The following CNTN5 variants were observed in gnomAD, a reference collection of about 807,000 sequenced individuals.
The protein encoded by CNTN5 is contactin-5.
CNTN5 carries 77 observed loss-of-function variants against 129.1 expected under a neutral mutation model. The observed-to-expected ratio is 0.60, with a 90% confidence interval of 0.50 to 0.72. The LOEUF (loss-of-function observed/expected upper bound fraction) is 0.72, where lower values mean the gene tolerates loss of function less well. Ranked by LOEUF, CNTN5 falls within the 30% of genes least tolerant of loss-of-function variation. The pLI is 0.00. For synonymous variants in CNTN5, 509 were observed against 465.6 expected, an observed-to-expected ratio of 1.09 and a Z score of -1.20; for missense variants, 1,478 against 1,328.8, an observed-to-expected ratio of 1.11 and a Z score of -1.75.
At chr11:99,486,992 T>C (rs1375125255) in intron 2 of CNTN5, among the ~76,000 whole-genome samples, 1 of 152,196 alleles carries the variant, frequency 6.6e-6, no homozygotes, top group African/African-American at 2.4e-5. Flanking sequence ...TTTCCTCTGG[T>C]ATTTTTGGAA....
In CNTN5 at chr11:99,712,858, A is replaced by G. The variant is rs552536032; in HGVS notation, c.56-106686A>G. ...TCTATATATCTGTTGTGGTACTAGT[A>G]CCGTGCTGTTTTGGTTACTGTAGCC... On this transcript the variant is annotated intron_variant, in intron 3 of 24. Transcript: ENST00000524871. Among the ~76,000 whole-genome samples, 6 of 152,176 alleles carry G rather than the reference A, an allele frequency of 3.9e-5. No individual in the cohort carries two copies. In the East Asian group the frequency reaches 1.2e-3, roughly 29 times the overall value.
intron 9 of CNTN5, among the ~76,000 whole-genome samples, chr11:100,042,181 A>G (rs12799725): frequency 6.6e-6 from 1 of 151,968 alleles, no homozygotes; most frequent in Non-Finnish European, 1.5e-5. Context: ...TGTATTATGT[A>G]GATAGTAGCA....
At chr11:99,608,676 C>T (rs149929330) in intron 3 of CNTN5, among the ~76,000 whole-genome samples, 8 of 152,194 alleles carry the variant, frequency 5.3e-5, no homozygotes, top group African/African-American at 1.9e-4. Context: ...GCCTCCAGAA[C>T]TGTGAGATGC....
chr11:99,461,906 T>C (rs1944714476), intron 2 of CNTN5, among the ~76,000 whole-genome samples: 1 of 152,222 alleles, frequency 6.6e-6, no homozygotes, highest in African/African-American at 2.4e-5. Flanking sequence ...ATGTGTTTTC[T>C]TCAAAATTAT....
At chr11:99,390,280 G>C (rs1339506094) in intron 2 of CNTN5, among the ~76,000 whole-genome samples, 2 of 152,016 alleles carry the variant, frequency 1.3e-5, no homozygotes, top group Non-Finnish European at 2.9e-5. Flanking sequence ...ACTAAGCCCA[G>C]CTCATCTGTT....
intron 6 of CNTN5, among the ~76,000 whole-genome samples, chr11:99,879,509 G>T (rs563919822): frequency 1.6e-4 from 25 of 152,168 alleles, no homozygotes; most frequent in Non-Finnish European, 2.9e-4. Flanking sequence ...ACTATGCAGA[G>T]AATGAAATGC....
chr11:99,503,234 T>A (rs1946491662), intron 2 of CNTN5, among the ~76,000 whole-genome samples: 1 of 152,172 alleles, frequency 6.6e-6, no homozygotes, highest in Non-Finnish European at 1.5e-5. Flanking sequence ...GCCCACCATG[T>A]TCGCATACAC....
At chr11:99,989,820 C>T (rs1270906950) in intron 8 of CNTN5, among the ~76,000 whole-genome samples, 1 of 152,152 alleles carries the variant, frequency 6.6e-6, no homozygotes, top group Non-Finnish European at 1.5e-5. Flanking sequence ...GGCTGGAGTA[C>T]AGTGGCACGA....
At chr11:99,981,338 C>T (rs544414661) in intron 8 of CNTN5, among the ~76,000 whole-genome samples, 9 of 151,966 alleles carry the variant, frequency 5.9e-5, no homozygotes, top group East Asian at 2.0e-4. Context: ...CCATGGAGTC[C>T]GAAGGCCAGG....
At chr11:100,334,833 T>G (rs1015190878) in intron 21 of CNTN5, among the ~76,000 whole-genome samples, 1 of 152,230 alleles carries the variant, frequency 6.6e-6, no homozygotes, top group African/African-American at 2.4e-5. Context: ...CAGTATACAC[T>G]GCTTGGGTGA....
intron 9 of CNTN5, among the ~76,000 whole-genome samples, chr11:100,026,694 C>T (rs539123722): frequency 1.3e-5 from 2 of 152,160 alleles, no homozygotes; most frequent in Admixed American, 1.3e-4. Context: ...ACTGAGGTCT[C>T]TTTAAGGTTT....
At chr11:99,913,816 T>C (rs997846933) in intron 6 of CNTN5, among the ~76,000 whole-genome samples, 1 of 152,132 alleles carries the variant, frequency 6.6e-6, no homozygotes, top group African/African-American at 2.4e-5. Context: ...TATAAACTTG[T>C]AGTAAATGGA....
intron 18 of CNTN5, among the ~76,000 whole-genome samples, chr11:100,286,022 C>A (rs2070121227): frequency 6.6e-6 from 1 of 152,208 alleles, no homozygotes; most frequent in African/African-American, 2.4e-5. Flanking sequence ...CGGGTCACTC[C>A]CACCCTAATA....
intron 8 of CNTN5, among the ~76,000 whole-genome samples, chr11:99,977,615 G>A (rs1460001913): frequency 6.6e-6 from 1 of 152,182 alleles, no homozygotes; most frequent in Admixed American, 6.5e-5. Flanking sequence ...GAGAGTGAAG[G>A]TGGAAATGCC....
intron 3 of CNTN5, among the ~76,000 whole-genome samples, chr11:99,769,824 A>AAAAAAAC (rs956553107): frequency 6.6e-6 from 1 of 151,924 alleles, no homozygotes; most frequent in Non-Finnish European, 1.5e-5. Context: ...TCAAAAAAAA[A>AAAAAAAC]AAAAACAATC....
chr11:100,250,550 T>G (rs1413823355), intron 16 of CNTN5, among the ~76,000 whole-genome samples: 1 of 152,060 alleles, frequency 6.6e-6, no homozygotes, highest in Non-Finnish European at 1.5e-5. Flanking sequence ...ATTTAAACAT[T>G]ACGTGATTAT....
At chr11:99,270,298 T>C (rs1400169286) in intron 1 of CNTN5, among the ~76,000 whole-genome samples, 1 of 151,290 alleles carries the variant, frequency 6.6e-6, no homozygotes, top group East Asian at 2.0e-4. Flanking sequence ...AGGGTATGCA[T>C]TTTTTATTTT....
At position 100,078,293 on chromosome 11, in the gene CNTN5, T is replaced by A. The variant is rs374980553; in HGVS notation, c.1580+3999T>A. On this transcript the variant is annotated intron_variant, in intron 13 of 24. Transcript: ENST00000524871. ...AGTTGAAAATTTGATAACTAGAAAA[T>A]AATATGACTTTTAGAAAAAAATATG... Among the ~76,000 whole-genome samples the A allele has an allele frequency of 1.5e-4, 23 of 152,226 alleles. No homozygotes were observed. In the East Asian group the frequency reaches 4.0e-3, roughly 27 times the overall value.
chr11:99,341,904 A>C (rs775112023), intron 2 of CNTN5, among the ~76,000 whole-genome samples: 9 of 152,202 alleles, frequency 5.9e-5, no homozygotes, highest in Non-Finnish European at 1.3e-4. Context: ...CTGTGAGAGA[A>C]CAAAAATAGT....
Sources: gnomAD v4.1 joint callset for allele counts (sites outside exome capture counted in the v4.1 genomes callset) on GRCh38, gnomAD v4.1.1 for gene constraint, MANE v1.5 for transcripts, NCBI Gene and HGNC (gene_info 2026-07-23, HGNC 2026-07-21) for gene names.